DNAH10: variants seen among roughly 807,000 people sequenced by gnomAD.
The protein encoded by DNAH10 is axonemal beta dynein heavy chain 10.
Under a neutral mutation model 506.6 loss-of-function variants are expected in DNAH10, and 348 were observed. The observed-to-expected ratio is 0.69, with a 90% confidence interval of 0.63 to 0.75. The LOEUF (loss-of-function observed/expected upper bound fraction) is 0.75, where lower values mean the gene tolerates loss of function less well. Ranked by LOEUF, DNAH10 falls within the 30% of genes least tolerant of loss-of-function variation. The probability of loss-of-function intolerance (pLI) is 0.00; values close to 1 mark genes in which losing one functional copy is unlikely to be tolerated. For missense variants in DNAH10, 5,179 were observed against 5,787.1 expected (o/e 0.89, Z 3.41); for synonymous variants, 2,059 against 2,198.6 (o/e 0.94, Z 1.78).
chr12:123,822,469 T>G (rs924648965), intron 24 of DNAH10, among the ~76,000 whole-genome samples: 1 of 152,210 alleles, frequency 6.6e-6, no homozygotes, highest in African/African-American at 2.4e-5. Context: ...TGTATCTATA[T>G]CTATATCTGT....
At chr12:123,804,222 C>T (rs1394238119) in intron 17 of DNAH10, among the ~76,000 whole-genome samples, 2 of 151,718 alleles carry the variant, frequency 1.3e-5, no homozygotes, top group East Asian at 1.9e-4. Context: ...CTCACATTTA[C>T]TTGCTAAAGA....
In DNAH10 at chr12:123,782,416, T is replaced by C. The variant is rs1295067551; in HGVS notation, c.842-691T>C. On this transcript the variant is annotated intron_variant, in intron 6 of 78. Coordinates refer to ENST00000673944, the MANE Select transcript of DNAH10 (RefSeq NM_001372106.1). ...TTTCCTTTCTTTCTTTCTTTCTTTTTTTTTTTTTTTTTTGACAAGGTCTCA... is the reference window on the plus strand; with the variant it reads ...TTTCCTTTCTTTCTTTCTTTCTTTTCTTTTTTTTTTTTTGACAAGGTCTCA... 3.7e-3 allele frequency among the ~76,000 whole-genome samples: 506 copies of C among 134,966 alleles called. 6 individuals carry two copies. The highest frequency in any genetic ancestry group is 0.014 in the African/African-American group (474 of 35,076). The allele number at this position is 134,966 out of a possible 152,430, so 88.5% of individuals were successfully genotyped here.
At position 123,903,143 on chromosome 12, in the gene DNAH10, T is replaced by C; in HGVS notation, c.9815+30T>C. On this transcript the variant is annotated intron_variant, in intron 57 of 78. Transcript: ENST00000673944. The surrounding 1 kb of genome is among the most constrained non-coding windows in gnomAD (Gnocchi z 4.6). ...TGCACCTGAGCCACCATTCTGGGCTTCCATTCCACCTCTGCAAGCCAGTAG... is the reference window on the plus strand; with the variant it reads ...TGCACCTGAGCCACCATTCTGGGCTCCCATTCCACCTCTGCAAGCCAGTAG... The C allele has an allele frequency of 1.3e-6, 2 of 1,581,036 alleles. No homozygotes were observed. The highest frequency in any genetic ancestry group is 1.8e-5 in the Admixed American group (1 of 55,964).
chr12:123,855,678 G>GCA (rs1951359570), intron 36 of DNAH10, among the ~76,000 whole-genome samples: 1 of 148,154 alleles, frequency 6.7e-6, no homozygotes, highest in Non-Finnish European at 1.5e-5. Flanking sequence ...ATATATATAT[G>GCA]CGCACCTAAA....
At chr12:123,797,315 A>G (rs149116696) in intron 13 of DNAH10, among the ~76,000 whole-genome samples, 142 of 152,208 alleles carry the variant, frequency 9.3e-4, no homozygotes, top group Non-Finnish European at 1.6e-3. Context: ...CATGCCTGTG[A>G]GTTAGAGGGT....
chr12:123,859,073 G>T (rs7314612), intron 37 of DNAH10, 77 bp from the exon 38 acceptor site: 12 of 1,285,704 alleles, frequency 9.3e-6, no homozygotes, highest in African/African-American at 1.5e-5. Flanking sequence ...ATTGTATGGC[G>T]TGTGTGTTGT....
chr12:123,867,469 G>T lies in DNAH10; in HGVS notation c.7170G>T (p.Val2390=). Residue 2390 remains valine, a splice_region_variant and synonymous_variant, in exon 42 of 79, where the codon GTG becomes GTT. Transcript: ENST00000673944. ...TTTGGAATGCTACTTTTTTATAGGT[G>T]GAGCAATACAATTTGAATAGTCTCT... is the stretch of plus-strand genomic sequence containing the variant. The part of the protein sequence containing the change: ...KKWVNQIPNK[V]EQYNLNSLFE... The T allele has an allele frequency of 1.2e-6, 2 of 1,611,490 alleles. No individual in the cohort carries two copies. Among genetic ancestry groups the T allele is most frequent in the South Asian group, 2.2e-5 (2 of 90,166 alleles).
intron 52 of DNAH10, among the ~76,000 whole-genome samples, chr12:123,889,871 G>A (rs1952900024): frequency 6.6e-6 from 1 of 152,144 alleles, no homozygotes; most frequent in Non-Finnish European, 1.5e-5. Context: ...TCTTCCAACT[G>A]CTTCAGGCCA....
chr12:123,805,765 C>T (rs1169002988), intron 18 of DNAH10, among the ~76,000 whole-genome samples: 1 of 150,782 alleles, frequency 6.6e-6, no homozygotes, highest in African/African-American at 2.4e-5. Context: ...ACATTTTTCT[C>T]TTCTTTTCTT....
chr12:123,804,103 G>C (rs1958570666), intron 17 of DNAH10, among the ~76,000 whole-genome samples: 1 of 152,110 alleles, frequency 6.6e-6, no homozygotes, highest in African/African-American at 2.4e-5. Flanking sequence ...TGTTGCCCAG[G>C]CTGGTCTTGG....
Position 123,897,761 on chromosome 12 carries a change from C to G in DNAH10, c.9281-9C>G. The G allele has an allele frequency of 6.3e-7, 1 of 1,587,456 alleles. No homozygotes were observed. The highest frequency in any genetic ancestry group is 1.2e-5 in the South Asian group (1 of 85,010). On this transcript the variant is annotated splice_polypyrimidine_tract_variant and intron_variant, in intron 54 of 78. Coordinates refer to ENST00000673944, the MANE Select transcript of DNAH10 (RefSeq NM_001372106.1). Reference sequence around the variant, plus strand: ...AGAAAGAAAACATTTTTTATTCCTTCCTCTTCAGGGTATAATCCAATGATC... The same window carrying G: ...AGAAAGAAAACATTTTTTATTCCTTGCTCTTCAGGGTATAATCCAATGATC...
intron 57 of DNAH10, chr12:123,908,603 G>A (rs1442037059): frequency 2.2e-6 from 1 of 455,092 alleles, no homozygotes; most frequent in Admixed American, 2.4e-5. Context: ...CAGCGCTGCT[G>A]TTCTGTCTCC....
chr12:123,928,886 G>A lies in DNAH10; in HGVS notation c.12306+299G>A, dbSNP rs1955070006. The A allele has an allele frequency of 6.3e-6, 3 of 475,588 alleles. No homozygotes were observed. The East Asian group carries it at 1.0e-4, about 17-fold the overall frequency. The allele number at this position is 475,588 out of a possible 1,614,324, so 29.5% of individuals were successfully genotyped here. On this transcript the variant is annotated intron_variant, in intron 70 of 78. Coordinates refer to ENST00000673944, the MANE Select transcript of DNAH10 (RefSeq NM_001372106.1). The surrounding 1 kb of genome is among the most constrained non-coding windows in gnomAD (Gnocchi z 4.9). ...CCCCCCCACACACAGCCTGCAGTTC[G>A]CTAGTGCTGACTGCAGGAGTTTCGC... is the stretch of plus-strand genomic sequence containing the variant.
chr12:123,843,609 G>A (rs1428989790), intron 30 of DNAH10, among the ~76,000 whole-genome samples: 1 of 151,834 alleles, frequency 6.6e-6, no homozygotes, highest in Non-Finnish European at 1.5e-5. Flanking sequence ...ACAGAGTCTC[G>A]CTCTGTCACC....
rs1955035382 is a variant in DNAH10 at position 123,928,315 on chromosome 12, A to G, written c.12106-72A>G. ...TGCCATCGCCCTTCTGTGGGTGTGG[A>G]GTGGGTCTCTGGAGAGCACGGGGTT... On this transcript the variant is annotated intron_variant, in intron 69 of 78. Coordinates refer to ENST00000673944, the MANE Select transcript of DNAH10 (RefSeq NM_001372106.1). This position sits in a 1 kb window ranked among gnomAD's most constrained non-coding sequence, Gnocchi z 4.9. 4.0e-6 allele frequency: 6 copies of G among 1,497,580 alleles called. No individual in the cohort carries two copies. The highest frequency in any genetic ancestry group is 1.4e-5 in the African/African-American group (1 of 72,150). The allele number at this position is 1,497,580 out of a possible 1,614,324, so 92.8% of individuals were successfully genotyped here. A position where few individuals can be genotyped will look rare whatever the true frequency, so the allele number is the denominator to read the frequency against.
At chr12:123,775,291 T>C (rs1033880573) in intron 5 of DNAH10, among the ~76,000 whole-genome samples, 1 of 152,068 alleles carries the variant, frequency 6.6e-6, no homozygotes, top group Non-Finnish European at 1.5e-5. Context: ...GTACTTATTG[T>C]AGAGACAGGG....
chr12:123,772,174 G>C (rs987683619), intron 3 of DNAH10, among the ~76,000 whole-genome samples: 14 of 152,114 alleles, frequency 9.2e-5, no homozygotes, highest in African/African-American at 3.4e-4. Flanking sequence ...TAGTTACTCA[G>C]CTCCCCTTCA....
intron 1 of DNAH10, 95 bp from the exon 2 acceptor site, chr12:123,767,511 C>A: frequency 8.2e-7 from 1 of 1,224,216 alleles, no homozygotes; most frequent in Non-Finnish European, 1.2e-6. Context: ...GGCCACATAC[C>A]AACCCCTTGG....
rs1408995929 is a variant in DNAH10 at position 123,762,595 on chromosome 12, C to G, written c.214+45C>G. ...TCCCTTCCCCGGGCTTCCCTCCTGCCCGTCCCGGCCTCTCCGGCGGGCGCC... is the reference window on the plus strand; with the variant it reads ...TCCCTTCCCCGGGCTTCCCTCCTGCGCGTCCCGGCCTCTCCGGCGGGCGCC... On this transcript the variant is annotated intron_variant, in intron 1 of 78. Transcript: ENST00000673944. The surrounding 1 kb of genome is among the most constrained non-coding windows in gnomAD (Gnocchi z 5.0). 4 of 1,511,194 alleles carry G rather than the reference C, an allele frequency of 2.6e-6. No individual in the cohort carries two copies. Among genetic ancestry groups the G allele is most frequent in the Non-Finnish European group, 3.5e-6 (4 of 1,129,106 alleles). 93.6% of individuals were successfully genotyped at this position (1,511,194 alleles called of 1,614,324 possible).
Sources: allele counts gnomAD v4.1 joint callset (sites outside exome capture counted in the v4.1 genomes callset), GRCh38; gene constraint gnomAD v4.1.1; non-coding constraint Gnocchi (gnomAD v3.1); transcripts MANE v1.5; gene names NCBI Gene and HGNC (gene_info 2026-07-23, HGNC 2026-07-21).